Variants in EYA1 observed in about 807,000 individuals in gnomAD.
The protein encoded by EYA1 is EYA transcriptional coactivator and phosphatase 1, also known as protein phosphatase EYA1.
EYA1 carries 16 observed loss-of-function variants against 82.0 expected under a neutral mutation model. That is an observed-to-expected ratio of 0.20 (90% CI 0.13 to 0.30). The LOEUF (loss-of-function observed/expected upper bound fraction) is 0.30. Ranked by LOEUF, EYA1 falls within the 10% of genes least tolerant of loss-of-function variation. EYA1 has a pLI of 1.00. For missense variants in EYA1, 633 were observed against 730.7 expected, an observed-to-expected ratio of 0.87 and a Z score of 1.54; for synonymous variants, 261 against 264.4, an observed-to-expected ratio of 0.99 and a Z score of 0.12.
At chr8:71,516,726 C>G (rs551325395) in intron 2 of EYA1, among the ~76,000 whole-genome samples, 2 of 152,104 alleles carry the variant, frequency 1.3e-5, no homozygotes, top group African/African-American at 4.8e-5. Flanking sequence ...AGGATGAATA[C>G]TGGGCTTTCC....
chr8:71,505,893 G>A (rs1321325850), intron 2 of EYA1, among the ~76,000 whole-genome samples: 1 of 152,084 alleles, frequency 6.6e-6, no homozygotes, highest in African/African-American at 2.4e-5. Context: ...ATTAGATAAT[G>A]GGGGTGGTTT....
At position 71,317,634 on chromosome 8, in the gene EYA1, A is replaced by G; in HGVS notation, c.474T>C (p.Pro158=). The change falls in exon 7 of 18, where the codon CCT becomes CCC. Residue 158 remains proline, a synonymous_variant. Coordinates refer to ENST00000340726, the MANE Select transcript of EYA1 (RefSeq NM_000503.6). ...TEGGLSQSQS[P]GQTGFLSYGT... The stretch of plus-strand genomic sequence containing the variant: ...CATAGCTGAGAAATCCTGTCTGTCC[A>G]GGTGACTGAGACTGTGACAATCCAC... 1 of 1,614,154 alleles carries G rather than the reference A, an allele frequency of 6.2e-7. No individual in the cohort carries two copies. The highest frequency in any genetic ancestry group is 8.5e-7 in the Non-Finnish European group (1 of 1,179,964).
chr8:71,547,926 T>A (rs1284795702), exon 1 of EYA1: 1 of 151,632 alleles, frequency 6.6e-6, no homozygotes, highest in Non-Finnish European at 1.5e-5. Context: ...AAACCGAAAA[T>A]GGGTAACAGA....
At chr8:71,356,987 C>G (rs542125409) in intron 1 of EYA1, among the ~76,000 whole-genome samples, 2 of 152,344 alleles carry the variant, frequency 1.3e-5, no homozygotes, top group South Asian at 4.1e-4. Context: ...CCCTTTGACT[C>G]CTGACAGTTT....
intron 2 of EYA1, among the ~76,000 whole-genome samples, chr8:71,370,959 A>G (rs1451620836): frequency 6.6e-6 from 1 of 152,074 alleles, no homozygotes; most frequent in East Asian, 1.9e-4. Flanking sequence ...AAAAGTCTAA[A>G]CCATGCAGAC....
At chr8:71,399,978 T>C (rs1057026442) in intron 2 of EYA1, among the ~76,000 whole-genome samples, 1 of 151,968 alleles carries the variant, frequency 6.6e-6, no homozygotes. Context: ...AGAACAGAGA[T>C]CTCAGAAATA....
chr8:71,425,307 T>C (rs1349435570), intron 2 of EYA1, among the ~76,000 whole-genome samples: 2 of 149,758 alleles, frequency 1.3e-5, no homozygotes, highest in Non-Finnish European at 3.0e-5. Context: ...AAAAAGAAAA[T>C]GCACACTTTA....
intron 11 of EYA1, among the ~76,000 whole-genome samples, chr8:71,259,433 G>T (rs768730008): frequency 6.6e-6 from 1 of 152,210 alleles, no homozygotes; most frequent in Admixed American, 6.5e-5. Flanking sequence ...TTTAAGCACA[G>T]TATTCTGGCA....
At chr8:71,409,068 C>G (rs1830441848) in intron 2 of EYA1, among the ~76,000 whole-genome samples, 1 of 114,322 alleles carries the variant, frequency 8.7e-6, no homozygotes, top group Non-Finnish European at 1.8e-5. Context: ...GATTAAGAAT[C>G]TCACTCAAAG....
At chr8:71,424,764 C>T (rs1441186466) in intron 2 of EYA1, among the ~76,000 whole-genome samples, 1 of 152,118 alleles carries the variant, frequency 6.6e-6, no homozygotes, top group African/African-American at 2.4e-5. Flanking sequence ...TTCCAGGTCT[C>T]TGTTCTCATC....
intron 2 of EYA1, chr8:71,529,777 T>C (rs74382705): frequency 0.085 from 12,980 of 152,074 alleles, 724 homozygotes; most frequent in South Asian, 0.21. Flanking sequence ...AGCCAGTCTA[T>C]AAACAAAAAG....
chr8:71,433,471 A>G (rs923083864), intron 2 of EYA1, among the ~76,000 whole-genome samples: 2 of 152,228 alleles, frequency 1.3e-5, no homozygotes, highest in Admixed American at 6.5e-5. Context: ...AGTCCATCAT[A>G]TGACAATCAG....
At chr8:71,508,729 T>A (rs1050926341) in intron 2 of EYA1, among the ~76,000 whole-genome samples, 17 of 152,158 alleles carry the variant, frequency 1.1e-4, no homozygotes. Context: ...CACCTTGTTC[T>A]CAGACCTCCT....
chr8:71,463,781 G>T (rs762819583), intron 2 of EYA1, among the ~76,000 whole-genome samples: 1 of 151,936 alleles, frequency 6.6e-6, no homozygotes, highest in Non-Finnish European at 1.5e-5. Flanking sequence ...TCACAGAACC[G>T]TTTCAAACAT....
intron 11 of EYA1, among the ~76,000 whole-genome samples, chr8:71,257,037 C>A (rs1223764870): frequency 6.6e-6 from 1 of 151,830 alleles, no homozygotes; most frequent in Non-Finnish European, 1.5e-5. Context: ...TTAAATATAA[C>A]TATTGGTTAG....
intron 11 of EYA1, among the ~76,000 whole-genome samples, chr8:71,254,849 C>T (rs751728937): frequency 6.6e-6 from 1 of 151,100 alleles, no homozygotes; most frequent in Admixed American, 6.6e-5. Context: ...ACCCCGCCCC[C>T]CACCACACAC....
intron 1 of EYA1, among the ~76,000 whole-genome samples, chr8:71,359,871 A>G (rs1454574670): frequency 1.3e-5 from 2 of 152,104 alleles, no homozygotes; most frequent in Non-Finnish European, 2.9e-5. Context: ...GACAATGGCA[A>G]TTTTCTCATC....
chr8:71,333,940 C>T (rs1824180006), intron 4 of EYA1, among the ~76,000 whole-genome samples, 157 bp downstream of exon 4: 1 of 152,150 alleles, frequency 6.6e-6, no homozygotes, highest in Non-Finnish European at 1.5e-5. Context: ...ATATGTGACT[C>T]TGAGCAAAGC....
chr8:71,534,070 G>A (rs1814504259), intron 2 of EYA1, among the ~76,000 whole-genome samples: 1 of 152,066 alleles, frequency 6.6e-6, no homozygotes, highest in African/African-American at 2.4e-5. Flanking sequence ...ATTAGAATTT[G>A]CATAATACAA....
Sources: allele counts gnomAD v4.1 joint callset (sites outside exome capture counted in the v4.1 genomes callset), GRCh38; gene constraint gnomAD v4.1.1; transcripts MANE v1.5; gene names NCBI Gene and HGNC (gene_info 2026-07-23, HGNC 2026-07-21).